The following KIF26B variants were observed in gnomAD, a reference collection of about 807,000 sequenced individuals.
KIF26B encodes kinesin family member 26B, also known as kinesin-like protein KIF26B.
Under a neutral mutation model 151.2 loss-of-function variants are expected in KIF26B, and 63 were observed. The observed-to-expected ratio is 0.42, with a 90% CI of 0.34 to 0.51. The LOEUF (loss-of-function observed/expected upper bound fraction) is 0.51, where lower values mean the gene tolerates loss of function less well. Among genes scored for constraint, KIF26B ranks in the 20% least tolerant of loss-of-function variants. The pLI is 0.07. For synonymous variants in KIF26B, 1,357 were observed against 1,262.1 expected (o/e 1.08, Z -1.59); for missense variants, 2,813 against 2,913.6 (o/e 0.97, Z 0.79).
chr1:245,332,936 C>G (rs935738914), intron 2 of KIF26B, among the ~76,000 whole-genome samples: 1 of 152,094 alleles, frequency 6.6e-6, no homozygotes, highest in Non-Finnish European at 1.5e-5. Context: ...ATGGGTCTCT[C>G]CAAATCCAGC....
At chr1:245,460,317 C>A (rs1485014303) in intron 4 of KIF26B, among the ~76,000 whole-genome samples, 1 of 152,100 alleles carries the variant, frequency 6.6e-6, no homozygotes, top group East Asian at 1.9e-4. Flanking sequence ...CCAGAATTAG[C>A]ACATCTTCTC....
chr1:245,396,653 CAAAA>C (rs368941008), intron 3 of KIF26B, among the ~76,000 whole-genome samples: 1 of 145,068 alleles, frequency 6.9e-6, no homozygotes, highest in African/African-American at 2.6e-5. Context: ...AAACAAAAAA[CAAAA>C]AAAAAACAAC....
In KIF26B at chr1:245,227,021, G is replaced by A. The variant is rs1669889987; in HGVS notation, c.465+70338G>A. The stretch of plus-strand genomic sequence containing the variant: ...CAGATTCTTGAAAGACAGGCAGCTT[G>A]TTTCGAATGACCCACAGGGAATGGT... On this transcript the variant is annotated intron_variant, in intron 2 of 14. Transcript: ENST00000407071. The surrounding 1 kb of genome is among the most constrained non-coding windows in gnomAD (Gnocchi z 4.1). Among the ~76,000 whole-genome samples the A allele has an allele frequency of 6.6e-6, 1 of 152,172 alleles. No homozygotes were observed. The highest frequency in any genetic ancestry group is 6.5e-5 in the Admixed American group (1 of 15,282).
intron 5 of KIF26B, among the ~76,000 whole-genome samples, chr1:245,570,442 G>A (rs919331836): frequency 6.6e-6 from 1 of 152,078 alleles, no homozygotes; most frequent in African/African-American, 2.4e-5. Context: ...TACCAACTGG[G>A]GCTTTCTGGA....
At chr1:245,249,717 A>G (rs760710767) in intron 2 of KIF26B, among the ~76,000 whole-genome samples, 1 of 152,114 alleles carries the variant, frequency 6.6e-6, no homozygotes, top group African/African-American at 2.4e-5. Flanking sequence ...TCCTGAGCTC[A>G]AGTGATCTAC....
chr1:245,700,452 G>A (rs1275640464), intron 14 of KIF26B, among the ~76,000 whole-genome samples: 1 of 152,116 alleles, frequency 6.6e-6, no homozygotes, highest in East Asian at 1.9e-4. Flanking sequence ...AGCACCTTGG[G>A]AGGCCAAGGT....
chr1:245,297,875 T>TTTTGTTTG lies in KIF26B; in HGVS notation c.466-68939_466-68932dup, dbSNP rs61370908. Among the ~76,000 whole-genome samples, 591 of 149,964 alleles carry TTTTGTTTG rather than the reference T, an allele frequency of 3.9e-3. 5 individuals are homozygous for TTTTGTTTG. The highest frequency in any genetic ancestry group is 0.013 in the African/African-American group (519 of 40,672). On this transcript the variant is annotated intron_variant, in intron 2 of 14. Transcript: ENST00000407071. The stretch of plus-strand genomic sequence containing the variant: ...AGACTGATGCCTGATGGGCATCAGT[T>TTTTGTTTG]TTTGTTTGTTTGTTTGTTTGTTTGT...
At chr1:245,213,475 C>T (rs1056661788) in intron 2 of KIF26B, among the ~76,000 whole-genome samples, 1 of 152,168 alleles carries the variant, frequency 6.6e-6, no homozygotes, top group Non-Finnish European at 1.5e-5. Context: ...TCCCAGAGAT[C>T]GCTGGTGGAG....
At chr1:245,215,532 C>G (rs1669627269) in intron 2 of KIF26B, among the ~76,000 whole-genome samples, 1 of 152,070 alleles carries the variant, frequency 6.6e-6, no homozygotes, top group Admixed American at 6.5e-5. Flanking sequence ...GGAGGCTTCT[C>G]CTCCTCTGGA....
At chr1:245,424,603 G>T (rs1424038004) in intron 4 of KIF26B, among the ~76,000 whole-genome samples, 1 of 152,158 alleles carries the variant, frequency 6.6e-6, no homozygotes, top group East Asian at 1.9e-4. Context: ...TTTCAATTTT[G>T]AATAAGCAGT....
rs796722836 is a variant in KIF26B at position 245,640,160 on chromosome 1, T to TATATATATATATACAC, written c.2099-5960_2099-5959insTATATATATATACACA. Reference sequence around the variant, plus strand: ...CTCTCTCTCTATATATATATATATATACCCTGCTATTTGGTTATATATATT... The same window carrying TATATATATATATACAC: ...CTCTCTCTCTATATATATATATATATATATATATATATACACACCCTGCTATTTGGTTATATATATT... On this transcript the variant is annotated intron_variant, in intron 9 of 14. Coordinates refer to ENST00000407071, the MANE Select transcript of KIF26B (RefSeq NM_018012.4). 7.8e-3 allele frequency among the ~76,000 whole-genome samples: 426 copies of TATATATATATATACAC among 54,476 alleles called. 33 individuals are homozygous for TATATATATATATACAC. Among genetic ancestry groups the TATATATATATATACAC allele is most frequent in the East Asian group, 0.031 (31 of 990 alleles). The allele number at this position is 54,476 out of a possible 152,430, so 35.7% of individuals were successfully genotyped here.
chr1:245,688,873 C>T, intron 12 of KIF26B, 66 bp downstream of exon 12: 1 of 1,489,240 alleles, frequency 6.7e-7, no homozygotes, highest in Non-Finnish European at 8.9e-7. Context: ...CCAAACCCCA[C>T]TGCCAGGGTG....
At chr1:245,340,626 C>T (rs1303886361) in intron 2 of KIF26B, among the ~76,000 whole-genome samples, 1 of 152,144 alleles carries the variant, frequency 6.6e-6, no homozygotes, top group Non-Finnish European at 1.5e-5. Context: ...GTATACGGCA[C>T]CATGTACCAG....
chr1:245,577,036 T>A (rs2103126533), intron 5 of KIF26B, among the ~76,000 whole-genome samples: 1 of 152,362 alleles, frequency 6.6e-6, no homozygotes, highest in South Asian at 2.1e-4. Context: ...TATGTTATGA[T>A]TCATATCTAA....
At chr1:245,266,135 G>A (rs952107626) in intron 2 of KIF26B, among the ~76,000 whole-genome samples, 1 of 152,168 alleles carries the variant, frequency 6.6e-6, no homozygotes, top group Non-Finnish European at 1.5e-5. Context: ...AAGAAAATGG[G>A]CAAAGGACTT....
chr1:245,402,114 C>G (rs1352725996), intron 3 of KIF26B, among the ~76,000 whole-genome samples: 1 of 152,146 alleles, frequency 6.6e-6, no homozygotes, highest in Non-Finnish European at 1.5e-5. Context: ...AGCTTGCAAG[C>G]CTGTTGTTGA....
At chr1:245,183,454 G>C (rs571230047) in intron 2 of KIF26B, among the ~76,000 whole-genome samples, 1 of 152,216 alleles carries the variant, frequency 6.6e-6, no homozygotes, top group Non-Finnish European at 1.5e-5. Context: ...GGTCCATTTC[G>C]AGTTAAGATC....
intron 2 of KIF26B, among the ~76,000 whole-genome samples, chr1:245,364,396 C>T (rs1159647633): frequency 1.8e-4 from 26 of 148,156 alleles, no homozygotes; most frequent in Non-Finnish European, 5.9e-5. Flanking sequence ...GATGTGCAGA[C>T]ATGACTTCTC....
intron 2 of KIF26B, among the ~76,000 whole-genome samples, chr1:245,290,015 CT>C (rs1042496088): frequency 1.3e-5 from 2 of 152,170 alleles, no homozygotes; most frequent in African/African-American, 4.8e-5. Context: ...GTTAGGCTTC[CT>C]TATTCCCGTC....
Sources: gnomAD v4.1 joint callset for allele counts (sites outside exome capture counted in the v4.1 genomes callset) on GRCh38, gnomAD v4.1.1 for gene constraint, Gnocchi (gnomAD v3.1) non-coding constraint, MANE v1.5 for transcripts, NCBI Gene and HGNC (gene_info 2026-07-23, HGNC 2026-07-21) for gene names.